DEUP1: variants seen among roughly 807,000 people sequenced by gnomAD.
The protein encoded by DEUP1 is deuterosome assembly protein 1.
In DEUP1, 82 loss-of-function variants were observed where a neutral mutation model predicts 87.4. The observed-to-expected ratio is 0.94, with a 90% CI of 0.78 to 1.13. DEUP1 has a LOEUF of 1.13. DEUP1 is among the 50% of genes most tolerant of loss of function. DEUP1 has a pLI of 0.00. For missense variants in DEUP1, 663 were observed against 681.5 expected, an observed-to-expected ratio of 0.97 and a Z score of 0.30; for synonymous variants, 214 against 222.7, an observed-to-expected ratio of 0.96 and a Z score of 0.35.
At chr11:93,375,466 C>G (rs1945992796) in intron 7 of DEUP1, among the ~76,000 whole-genome samples, 1 of 152,082 alleles carries the variant, frequency 6.6e-6, no homozygotes. Context: ...CTTTCCATGC[C>G]AATTTTGCTG....
chr11:93,436,671 T>A (rs766421220), intron 13 of DEUP1, among the ~76,000 whole-genome samples: 3 of 152,096 alleles, frequency 2.0e-5, no homozygotes, highest in Non-Finnish European at 4.4e-5. Context: ...CCTAACAAGG[T>A]TCACATGTAT....
intron 12 of DEUP1, among the ~76,000 whole-genome samples, chr11:93,409,863 T>C (rs568452310): frequency 2.0e-5 from 3 of 152,310 alleles, no homozygotes; most frequent in African/African-American, 7.2e-5. Flanking sequence ...AAATTGTTAG[T>C]ATTTATAATA....
intron 12 of DEUP1, among the ~76,000 whole-genome samples, chr11:93,411,501 A>T (rs1947436054): frequency 1.3e-5 from 2 of 152,200 alleles, no homozygotes; most frequent in South Asian, 4.1e-4. Context: ...CTCACTTAAA[A>T]TGTGAAGCAT....
chr11:93,374,976 T>C (rs1411297274), intron 7 of DEUP1, among the ~76,000 whole-genome samples: 4 of 152,050 alleles, frequency 2.6e-5, no homozygotes, highest in Non-Finnish European at 4.4e-5. Context: ...GTAGTTTTCC[T>C]TGTAGAGGTT....
chr11:93,408,106 A>G, intron 11 of DEUP1, 125 bp from the exon 12 acceptor site: 3 of 645,106 alleles, frequency 4.7e-6, no homozygotes, highest in Non-Finnish European at 7.7e-6. Context: ...AAAGTGAGCA[A>G]GAGTACAGCC....
intron 13 of DEUP1, among the ~76,000 whole-genome samples, chr11:93,427,724 C>T (rs1287522978): frequency 6.6e-6 from 1 of 150,884 alleles, no homozygotes; most frequent in African/African-American, 2.4e-5. Context: ...ACAACCTACT[C>T]ATCTGACAAA....
intron 4 of DEUP1, among the ~76,000 whole-genome samples, chr11:93,359,139 C>A (rs1272989510): frequency 6.6e-6 from 1 of 152,222 alleles, no homozygotes; most frequent in East Asian, 1.9e-4. Flanking sequence ...TAGTAATATG[C>A]TGTTTTTCTA....
intron 11 of DEUP1, among the ~76,000 whole-genome samples, chr11:93,403,683 G>T (rs1947187929): frequency 6.6e-6 from 1 of 150,944 alleles, no homozygotes; most frequent in African/African-American, 2.4e-5. Context: ...ATTATTTTTA[G>T]TTTCATCAGT....
At chr11:93,345,281 G>A (rs975684304) in intron 2 of DEUP1, among the ~76,000 whole-genome samples, 1 of 152,164 alleles carries the variant, frequency 6.6e-6, no homozygotes, top group Non-Finnish European at 1.5e-5. Flanking sequence ...AGGTTGATTC[G>A]TTGTCTTTGC....
In DEUP1 at chr11:93,437,752, C is replaced by CCT. The variant is rs375443728; in HGVS notation, c.*33_*34insCT. The CCT allele has an allele frequency of 2.1e-5, 22 of 1,052,714 alleles. No homozygotes were observed. Among genetic ancestry groups the CCT allele is most frequent in the Non-Finnish European group, 2.2e-5 (16 of 727,984 alleles). 65.2% of individuals were successfully genotyped at this position (1,052,714 alleles called of 1,614,324 possible). ...AACTTTTTTATTTGCTTCCCCCCCC[C>CCT]ACCCCCGCCAAGAAAAAAAGCTCTG... is the stretch of plus-strand genomic sequence containing the variant. On this transcript the variant is annotated 3_prime_UTR_variant, in exon 14 of 14. Transcript: ENST00000298050.
At chr11:93,354,714 A>T (rs1190075055) in intron 2 of DEUP1, among the ~76,000 whole-genome samples, 1 of 152,162 alleles carries the variant, frequency 6.6e-6, no homozygotes, top group Non-Finnish European at 1.5e-5. Context: ...ATCTCATGAG[A>T]CTTAGTCACT....
chr11:93,389,486 G>C (rs914978105), intron 9 of DEUP1, among the ~76,000 whole-genome samples: 2 of 152,114 alleles, frequency 1.3e-5, no homozygotes, highest in African/African-American at 4.8e-5. Context: ...TCATTTCTAA[G>C]GTGGAAATAA....
At chr11:93,405,019 A>G (rs946906527) in intron 11 of DEUP1, among the ~76,000 whole-genome samples, 2 of 151,982 alleles carry the variant, frequency 1.3e-5, no homozygotes, top group African/African-American at 4.8e-5. Flanking sequence ...AGGGTTTTAA[A>G]AATCATTATT....
At chr11:93,350,863 G>A (rs918214635) in intron 2 of DEUP1, among the ~76,000 whole-genome samples, 11 of 151,868 alleles carry the variant, frequency 7.2e-5, no homozygotes, top group African/African-American at 2.2e-4. Context: ...GGCTGAGGCC[G>A]AAGAATCGTT....
intron 11 of DEUP1, among the ~76,000 whole-genome samples, chr11:93,397,579 G>C (rs1339437372): frequency 2.6e-5 from 4 of 151,974 alleles, no homozygotes; most frequent in African/African-American, 9.7e-5. Flanking sequence ...CCTAATTCTG[G>C]CTCCTTTAGG....
At chr11:93,427,835 C>G (rs1458842045) in intron 13 of DEUP1, among the ~76,000 whole-genome samples, 3 of 123,236 alleles carry the variant, frequency 2.4e-5, no homozygotes, top group East Asian at 2.4e-4. Flanking sequence ...AGACACTTCT[C>G]AAAAGAAGAC....
chr11:93,351,888 A>G (rs964041551), intron 2 of DEUP1, among the ~76,000 whole-genome samples: 5 of 152,228 alleles, frequency 3.3e-5, no homozygotes, highest in Non-Finnish European at 7.3e-5. Flanking sequence ...TGGAAATTCT[A>G]AATTCTTTGG....
intron 2 of DEUP1, among the ~76,000 whole-genome samples, chr11:93,336,288 A>G (rs1943761366): frequency 6.6e-6 from 1 of 152,116 alleles, no homozygotes; most frequent in Non-Finnish European, 1.5e-5. Flanking sequence ...ACTCACTATC[A>G]CAAGAACAAC....
chr11:93,417,781 T>C (rs1947698341), intron 13 of DEUP1, among the ~76,000 whole-genome samples: 1 of 151,698 alleles, frequency 6.6e-6, no homozygotes, highest in Non-Finnish European at 1.5e-5. Flanking sequence ...CTTCAAACTA[T>C]ACTACAAGGC....
Sources: gnomAD v4.1 joint callset for allele counts (sites outside exome capture counted in the v4.1 genomes callset) on GRCh38, gnomAD v4.1.1 for gene constraint, MANE v1.5 for transcripts, NCBI Gene and HGNC (gene_info 2026-07-23, HGNC 2026-07-21) for gene names.